The following GALNS variants were observed in gnomAD, a reference collection of about 807,000 sequenced individuals.
GALNS encodes the protein galactosamine (N-acetyl)-6-sulfatase.
Under a neutral mutation model 65.9 loss-of-function variants are expected in GALNS, and 65 were observed. The observed-to-expected ratio is 0.99, with a 90% confidence interval of 0.81 to 1.21. GALNS has a LOEUF of 1.21. Ranked by LOEUF, GALNS falls within the 50% of genes most tolerant of loss-of-function variation. GALNS has a pLI of 0.00. For synonymous variants in GALNS, 346 were observed against 288.9 expected (o/e 1.20, Z -2.00); for missense variants, 776 against 700.7 (o/e 1.11, Z -1.21).
intron 6 of GALNS, 77 bp from the exon 7 acceptor site, chr16:88,835,926 C>A: frequency 6.2e-7 from 1 of 1,604,344 alleles, no homozygotes; most frequent in Non-Finnish European, 8.5e-7. Context: ...CGTCCCCACA[C>A]GTCCCACGGG....
chr16:88,846,635 G>A (rs567842068), intron 1 of GALNS, among the ~76,000 whole-genome samples: 40 of 150,298 alleles, frequency 2.7e-4, no homozygotes, highest in Non-Finnish European at 5.5e-4. Context: ...TTTGCCTCTC[G>A]GGTTCAAGCG....
intron 2 of GALNS, chr16:88,842,480 A>C: frequency 3.3e-6 from 2 of 605,234 alleles, no homozygotes; most frequent in Non-Finnish European, 2.9e-6. Context: ...AGCCACCAAC[A>C]ATACCGCAAC....
intron 10 of GALNS, among the ~76,000 whole-genome samples, chr16:88,825,477 G>A (rs1455524569): frequency 1.4e-5 from 2 of 140,840 alleles, no homozygotes; most frequent in African/African-American, 5.8e-5. Context: ...GTACCTGGGT[G>A]TCTGGGCGGC....
At chr16:88,832,226 G>T in intron 8 of GALNS, 125 bp from the exon 9 acceptor site, 2 of 872,010 alleles carry the variant, frequency 2.3e-6, no homozygotes, top group Admixed American at 2.0e-5. Context: ...ACTCTGGCTG[G>T]AGTGCATGAT....
At chr16:88,823,706 C>T (rs1310807690) in intron 11 of GALNS, among the ~76,000 whole-genome samples, 2 of 130,850 alleles carry the variant, frequency 1.5e-5, no homozygotes, top group Admixed American at 1.5e-4. Context: ...TGCCGGGGAC[C>T]GATGCCCAGG....
At chr16:88,819,971 T>C (rs3859026) in intron 12 of GALNS, among the ~76,000 whole-genome samples, 63,430 of 150,902 alleles carry the variant, frequency 0.42, 13,620 homozygotes, top group East Asian at 0.64. Context: ...GGATTACAGG[T>C]GTGAGCCACT....
At chr16:88,828,142 C>G (rs1166310169) in intron 9 of GALNS, among the ~76,000 whole-genome samples, 1 of 152,240 alleles carries the variant, frequency 6.6e-6, no homozygotes, top group Admixed American at 6.5e-5. Context: ...TTCCCCAGGT[C>G]TGGTCAGCAG....
At chr16:88,816,508 C>CCGG in intron 13 of GALNS, 1 of 983,262 alleles carries the variant, frequency 1.0e-6, no homozygotes, top group Non-Finnish European at 1.2e-6. Flanking sequence ...TGAAACTTGC[C>CCGG]AGGCACCCCC....
chr16:88,839,127 G>A (rs1488053878), intron 4 of GALNS, among the ~76,000 whole-genome samples: 3 of 152,018 alleles, frequency 2.0e-5, no homozygotes, highest in South Asian at 2.1e-4. Context: ...GCAGGTCACC[G>A]CCCAACCACA....
intron 8 of GALNS, among the ~76,000 whole-genome samples, chr16:88,833,598 C>T (rs1190696006): frequency 3.3e-5 from 5 of 152,044 alleles, no homozygotes; most frequent in Non-Finnish European, 7.4e-5. Flanking sequence ...ACTACAGGTG[C>T]CCGCCACCAC....
At chr16:88,830,883 G>GA (rs528817004) in intron 9 of GALNS, among the ~76,000 whole-genome samples, 117 of 151,790 alleles carry the variant, frequency 7.7e-4, no homozygotes, top group Middle Eastern at 3.4e-3. Flanking sequence ...TGCTTTGGGG[G>GA]AAAAAACGAC....
At chr16:88,854,620 C>G (rs747911947) in intron 1 of GALNS, among the ~76,000 whole-genome samples, 3 of 152,364 alleles carry the variant, frequency 2.0e-5, no homozygotes, top group Middle Eastern at 3.4e-3. Context: ...ATCACGCTAA[C>G]ATGACACGGG....
chr16:88,853,918 G>T (rs993367181), intron 1 of GALNS, among the ~76,000 whole-genome samples: 1 of 152,200 alleles, frequency 6.6e-6, no homozygotes, highest in African/African-American at 2.4e-5. Context: ...CCGACTCTGG[G>T]GGCAATGGTT....
chr16:88,820,133 C>T (rs1226004247), intron 12 of GALNS, among the ~76,000 whole-genome samples: 1 of 150,328 alleles, frequency 6.7e-6, no homozygotes, highest in Non-Finnish European at 1.5e-5. Flanking sequence ...CTGGCCCCGT[C>T]GTCTTTTTTT....
At position 88,826,725 on chromosome 16, in the gene GALNS, G is replaced by C. The variant is rs1910963048; in HGVS notation, c.1116C>G (p.Leu372=). The change falls in exon 10 of 14, where the codon CTC becomes CTG. Residue 372 remains leucine, a synonymous_variant. Transcript: ENST00000268695. ...ACCTGTCCATCAGCCGGCCCTGCAG[G>C]AGGGTGGGGAGGAGGTTGAGGCCAT... ...AIDGLNLLPT[L]LQGRLMDRPI... The C allele has an allele frequency of 6.2e-7, 1 of 1,612,668 alleles. No individual in the cohort carries two copies. The highest frequency in any genetic ancestry group is 8.5e-7 in the Non-Finnish European group (1 of 1,179,818).
intron 6 of GALNS, 42 bp from the exon 7 acceptor site, chr16:88,835,891 A>T: frequency 6.2e-7 from 1 of 1,612,390 alleles, no homozygotes. Flanking sequence ...CCTCAGGCCG[A>T]CCTCCTCATG....
chr16:88,823,956 G>A (rs1409943479), intron 11 of GALNS, among the ~76,000 whole-genome samples: 1 of 152,204 alleles, frequency 6.6e-6, no homozygotes, highest in Non-Finnish European at 1.5e-5. Context: ...AGGGTGGGGA[G>A]GAGCCAAAAC....
At chr16:88,815,860 TG>T in intron 13 of GALNS, 4 of 985,272 alleles carry the variant, frequency 4.1e-6, no homozygotes, top group South Asian at 9.4e-5. Context: ...TGAGTCTGGA[TG>T]GGGGATCTGC....
intron 1 of GALNS, among the ~76,000 whole-genome samples, chr16:88,848,498 T>C (rs1251515417): frequency 6.6e-6 from 1 of 151,316 alleles, no homozygotes; most frequent in Non-Finnish European, 1.5e-5. Flanking sequence ...CCAGGCGTGG[T>C]TGCAGGCGCC....
Sources: gnomAD v4.1 joint callset for allele counts (sites outside exome capture counted in the v4.1 genomes callset) on GRCh38, gnomAD v4.1.1 for gene constraint, MANE v1.5 for transcripts, NCBI Gene and HGNC (gene_info 2026-07-23, HGNC 2026-07-21) for gene names.